Variants in APOOL observed in about 807,000 individuals in gnomAD.
APOOL encodes apolipoprotein O like.
APOOL carries 12 observed loss-of-function variants against 23.1 expected under a neutral mutation model. The observed-to-expected ratio is 0.52, with a 90% CI of 0.33 to 0.84. The LOEUF is 0.84. Among genes scored for constraint, APOOL ranks in the 40% least tolerant of loss-of-function variants. The probability of loss-of-function intolerance (pLI) is 0.02; values close to 1 mark genes in which losing one functional copy is unlikely to be tolerated. For synonymous variants in APOOL, 77 were observed against 69.9 expected, an observed-to-expected ratio of 1.10 and a Z score of -0.51; for missense variants, 212 against 199.6, an observed-to-expected ratio of 1.06 and a Z score of -0.37.
intron 2 of APOOL, among the ~76,000 whole-genome samples, chrX:85,047,320 G>T (rs1367590701): frequency 2.7e-5 from 3 of 111,520 alleles, no homozygotes; most frequent in African/African-American, 9.7e-5. Flanking sequence ...TCAGGATAGT[G>T]TTTTCTTCAG....
At position 85,088,062 on chromosome X, in the gene APOOL, G is replaced by A. The variant is rs1319081187; in HGVS notation, c.*384G>A. The stretch of plus-strand genomic sequence containing the variant: ...TATAAATACGTATTTATACATATAT[G>A]TATAAATACATATACATATATGTAT... On this transcript the variant is annotated 3_prime_UTR_variant, in exon 9 of 9. Coordinates refer to ENST00000373173, the MANE Select transcript of APOOL (RefSeq NM_198450.6). 1 of 5,452 alleles carries A rather than the reference G, an allele frequency of 1.8e-4. No homozygotes were observed. The highest frequency in any genetic ancestry group is 2.7e-4 in the Non-Finnish European group (1 of 3,710). The allele number at this position is 5,452 out of a possible 1,213,427, so 0.4% of individuals were successfully genotyped here.
At chrX:85,022,083 A>G (rs1921685474) in intron 1 of APOOL, among the ~76,000 whole-genome samples, 1 of 112,053 alleles carries the variant, frequency 8.9e-6, no homozygotes, top group Non-Finnish European at 1.9e-5. Context: ...GAATAAGGAG[A>G]TTGAGTCACT....
intron 1 of APOOL, among the ~76,000 whole-genome samples, chrX:85,008,463 C>T (rs1194289206): frequency 9.1e-6 from 1 of 110,213 alleles, no homozygotes; most frequent in Non-Finnish European, 1.9e-5. Context: ...CAGCATAATA[C>T]CCTTGAGGGT....
At chrX:85,061,806 A>G (rs1403359164) in intron 5 of APOOL, among the ~76,000 whole-genome samples, 2 of 110,714 alleles carry the variant, frequency 1.8e-5, no homozygotes, top group African/African-American at 3.3e-5. Context: ...CGGTCTATCA[A>G]TTTTGTTGAT....
rs904967497 is a variant in APOOL, at chrX:85,076,571, T to C, written c.718+2180T>C. On this transcript the variant is annotated intron_variant, in intron 8 of 8. Coordinates refer to ENST00000373173, the MANE Select transcript of APOOL (RefSeq NM_198450.6). ...GTAATGCCAGGGACATACTAAGGGGTATCAGTGGATATTAAAATATATCAT... is the reference window on the plus strand; with the variant it reads ...GTAATGCCAGGGACATACTAAGGGGCATCAGTGGATATTAAAATATATCAT... Among the ~76,000 whole-genome samples, 3 of 110,727 alleles carry C rather than the reference T, an allele frequency of 2.7e-5. No individual in the cohort carries two copies. The Admixed American group carries it at 2.9e-4, about 11-fold the overall frequency.
At chrX:85,069,378 A>G (rs1923580415) in intron 6 of APOOL, among the ~76,000 whole-genome samples, 1 of 110,432 alleles carries the variant, frequency 9.1e-6, no homozygotes, top group Admixed American at 9.7e-5. Flanking sequence ...TATACCCACA[A>G]TTTTACTTGA....
At chrX:85,024,291 G>A (rs1921768077) in intron 1 of APOOL, among the ~76,000 whole-genome samples, 1 of 112,091 alleles carries the variant, frequency 8.9e-6, no homozygotes, top group Non-Finnish European at 1.9e-5. Flanking sequence ...TTCTCTTCAA[G>A]CATTCCTCGG....
intron 1 of APOOL, among the ~76,000 whole-genome samples, chrX:85,022,850 A>G (rs1921716993): frequency 1.8e-5 from 2 of 111,862 alleles, no homozygotes; most frequent in African/African-American, 3.3e-5. Flanking sequence ...TCATATTGAA[A>G]TTTGTTTCCC....
At chrX:85,018,639 C>G (rs1251962690) in intron 1 of APOOL, among the ~76,000 whole-genome samples, 1 of 109,792 alleles carries the variant, frequency 9.1e-6, no homozygotes, top group Non-Finnish European at 1.9e-5. Context: ...TTTGCAGATT[C>G]TTTCTTCTGT....
In APOOL at chrX:85,086,760, C is replaced by T. The variant is rs371525975; in HGVS notation, c.719-830C>T. Reference sequence around the variant, plus strand: ...TGTCTCCCAGGTTGGAGTGCAGTGGCGCGATCTCGGCTCACTGCAAGCTCC... The same window carrying T: ...TGTCTCCCAGGTTGGAGTGCAGTGGTGCGATCTCGGCTCACTGCAAGCTCC... On this transcript the variant is annotated intron_variant, in intron 8 of 8. Transcript: ENST00000373173. 3.3e-5 allele frequency among the ~76,000 whole-genome samples: 3 copies of T among 89,742 alleles called. No homozygotes were observed. The Admixed American group carries it at 3.8e-4, about 11-fold the overall frequency. The allele number at this position is 89,742 out of a possible 115,157, so 77.9% of individuals were successfully genotyped here.
chrX:85,058,658 C>G (rs1385946254), intron 5 of APOOL, among the ~76,000 whole-genome samples: 2 of 111,399 alleles, frequency 1.8e-5, no homozygotes, highest in Non-Finnish European at 1.9e-5. Context: ...ACATTATCTT[C>G]CACAATGGTT....
chrX:85,051,801 A>G (rs183086115), intron 3 of APOOL, among the ~76,000 whole-genome samples: 1 of 111,686 alleles, frequency 9.0e-6, no homozygotes, highest in Non-Finnish European at 1.9e-5. Flanking sequence ...GGATGGCTGG[A>G]TGACTGGGTT....
chrX:85,057,617 A>G (rs918990106), intron 5 of APOOL, among the ~76,000 whole-genome samples: 1 of 106,550 alleles, frequency 9.4e-6, no homozygotes, highest in Non-Finnish European at 1.9e-5. Context: ...GATGATATAC[A>G]TATATCTCAT....
intron 1 of APOOL, among the ~76,000 whole-genome samples, chrX:85,008,946 A>G (rs1172002791): frequency 9.0e-6 from 1 of 111,625 alleles, no homozygotes; most frequent in Non-Finnish European, 1.9e-5. Flanking sequence ...GATAGTTTTC[A>G]ATATACAGCT....
chrX:85,011,335 T>C (rs926815090), intron 1 of APOOL, among the ~76,000 whole-genome samples: 2 of 112,012 alleles, frequency 1.8e-5, no homozygotes, highest in African/African-American at 6.5e-5. Context: ...AACTTTTTAG[T>C]TTAATTAAGT....
Position 85,093,167 on chromosome X carries a change from A to G in APOOL, c.*5489A>G. Reference sequence around the variant, plus strand: ...AAAGGTTAATGTATAGAATATCAATACTAATTGTAATACATACCTGACTTA... The same window carrying G: ...AAAGGTTAATGTATAGAATATCAATGCTAATTGTAATACATACCTGACTTA... On this transcript the variant is annotated 3_prime_UTR_variant, in exon 9 of 9. Transcript: ENST00000373173. The G allele has an allele frequency of 8.7e-7, 1 of 1,148,289 alleles. No individual in the cohort carries two copies. Among genetic ancestry groups the G allele is most frequent in the African/African-American group, 1.8e-5 (1 of 55,964 alleles). The allele number at this position is 1,148,289 out of a possible 1,213,427, so 94.6% of individuals were successfully genotyped here. A position where few individuals can be genotyped will look rare whatever the true frequency, so the allele number is the denominator to read the frequency against.
chrX:85,020,498 G>A (rs1014923680), intron 1 of APOOL, among the ~76,000 whole-genome samples: 1 of 111,238 alleles, frequency 9.0e-6, no homozygotes, highest in African/African-American at 3.3e-5. Flanking sequence ...CCAGACTCCA[G>A]GTCAGTATCT....
intron 5 of APOOL, among the ~76,000 whole-genome samples, chrX:85,066,711 C>A (rs888564785): frequency 6.3e-5 from 7 of 110,454 alleles, no homozygotes; most frequent in Admixed American, 9.8e-5. Flanking sequence ...CAAAAAAGGA[C>A]ATGTAAGAGA....
chrX:85,062,296 A>C (rs1450453609), intron 5 of APOOL, among the ~76,000 whole-genome samples: 3 of 110,592 alleles, frequency 2.7e-5, no homozygotes, highest in Non-Finnish European at 5.7e-5. Context: ...AGATTGCAAA[A>C]ATTTTCTCCC....
Sources: allele counts gnomAD v4.1 joint callset (sites outside exome capture counted in the v4.1 genomes callset), GRCh38; gene constraint gnomAD v4.1.1; transcripts MANE v1.5; gene names NCBI Gene and HGNC (gene_info 2026-07-23, HGNC 2026-07-21).